SOD2: variants seen among roughly 807,000 people sequenced by gnomAD.
SOD2 encodes the protein superoxide dismutase 2, also known as superoxide dismutase [Mn], mitochondrial.
SOD2 carries 11 observed loss-of-function variants against 27.0 expected under a neutral mutation model. The ratio of observed to expected loss-of-function variants is 0.41; its 90% CI spans 0.26 to 0.67. The LOEUF is 0.67. Among genes scored for constraint, SOD2 ranks in the 30% least tolerant of loss-of-function variants. The pLI is 0.34. For missense variants in SOD2, 250 were observed against 274.5 expected (o/e 0.91, Z 0.63); for synonymous variants, 105 against 103.0 (o/e 1.02, Z -0.12).
intron 1 of SOD2, among the ~76,000 whole-genome samples, chr6:159,722,944 T>C (rs1306535784): frequency 2.6e-5 from 4 of 152,246 alleles, no homozygotes; most frequent in African/African-American, 7.2e-5. Flanking sequence ...TCCTCACTTC[T>C]AGCTTATGCC....
At chr6:159,759,524 G>T (rs148340383) in intron 1 of SOD2, among the ~76,000 whole-genome samples, 3 of 151,756 alleles carry the variant, frequency 2.0e-5, no homozygotes, top group African/African-American at 7.3e-5. Context: ...ATAAAAATTA[G>T]CTGGGCATGA....
intron 1 of SOD2, chr6:159,743,922 G>T: frequency 9.7e-7 from 1 of 1,035,828 alleles, no homozygotes; most frequent in Non-Finnish European, 1.3e-6. Flanking sequence ...TATGCTTTGA[G>T]CTTTAAGAAT....
intron 1 of SOD2, among the ~76,000 whole-genome samples, chr6:159,736,048 G>C (rs974146390): frequency 2.6e-5 from 4 of 152,134 alleles, no homozygotes; most frequent in African/African-American, 9.7e-5. Flanking sequence ...AACAAAGGAA[G>C]ATCTGGGTAC....
rs1408253142 is a variant in SOD2 at position 159,672,589 on chromosome 6, G to T, written c.*9904C>A. ...GCCTGCCTTACAAGAGCTCCTGAAGGAAGCACTAAACATGGAATGGAACAA... is the reference window on the plus strand; with the variant it reads ...GCCTGCCTTACAAGAGCTCCTGAAGTAAGCACTAAACATGGAATGGAACAA... On this transcript the variant is annotated 3_prime_UTR_variant, in exon 5 of 5. Coordinates refer to ENST00000538183, the MANE Select transcript of SOD2 (RefSeq NM_000636.4). 3 of 152,180 alleles carry T rather than the reference G, an allele frequency of 2.0e-5. No individual in the cohort carries two copies. The highest frequency in any genetic ancestry group is 4.4e-5 in the Non-Finnish European group (3 of 68,038). The allele number at this position is 152,180 out of a possible 1,614,324, so 9.4% of individuals were successfully genotyped here.
At chr6:159,738,859 A>G in intron 1 of SOD2, 1 of 566,908 alleles carries the variant, frequency 1.8e-6, no homozygotes, top group Non-Finnish European at 2.9e-6. Context: ...GTAATAAAAT[A>G]CTTTTTCAAA....
chr6:159,735,578 G>A (rs1439726035), intron 1 of SOD2, among the ~76,000 whole-genome samples: 2 of 152,034 alleles, frequency 1.3e-5, no homozygotes, highest in East Asian at 1.9e-4. Flanking sequence ...GTGAAACCCC[G>A]TCTCTACTAA....
intron 1 of SOD2, among the ~76,000 whole-genome samples, chr6:159,698,696 C>T (rs1048772333): frequency 6.6e-5 from 10 of 150,556 alleles, no homozygotes; most frequent in South Asian, 2.1e-4. Context: ...TGCTGTTGAC[C>T]GGCAATAACA....
chr6:159,732,586 A>G (rs904692571), intron 1 of SOD2, among the ~76,000 whole-genome samples: 12 of 152,160 alleles, frequency 7.9e-5, no homozygotes, highest in African/African-American at 2.9e-4. Flanking sequence ...TGTAATCCCA[A>G]CACTTTGGGA....
rs1319326278 is a variant in SOD2 at position 159,670,352 on chromosome 6, G to A, written c.*12141C>T. The A allele has an allele frequency of 6.6e-6, 1 of 152,050 alleles. No individual in the cohort carries two copies. The highest frequency in any genetic ancestry group is 1.5e-5 in the Non-Finnish European group (1 of 68,020). 9.4% of individuals were successfully genotyped at this position (152,050 alleles called of 1,614,324 possible). On this transcript the variant is annotated 3_prime_UTR_variant, in exon 5 of 5. Transcript: ENST00000538183. ...TGTGTCATTTTTTAAATTGTTTTCT[G>A]GTAAAAATGCTAACAGTAACTAGGA...
At chr6:159,733,371 CT>C (rs1213461346) in intron 1 of SOD2, among the ~76,000 whole-genome samples, 1 of 152,156 alleles carries the variant, frequency 6.6e-6, no homozygotes, top group East Asian at 1.9e-4. Flanking sequence ...AATGCCAGCA[CT>C]TTGGGAGGCC....
intron 1 of SOD2, among the ~76,000 whole-genome samples, chr6:159,705,480 G>C (rs896090573): frequency 6.6e-6 from 1 of 152,372 alleles, no homozygotes; most frequent in Non-Finnish European, 1.5e-5. Flanking sequence ...GAATGCACAA[G>C]CTTCAGTAGC....
intron 1 of SOD2, among the ~76,000 whole-genome samples, chr6:159,756,851 G>A (rs1456249048): frequency 6.6e-6 from 1 of 152,070 alleles, no homozygotes; most frequent in African/African-American, 2.4e-5. Flanking sequence ...GGATCCTTCT[G>A]CCTTGGCTTC....
At chr6:159,698,558 T>G in intron 1 of SOD2, among the ~76,000 whole-genome samples, 1 of 105,026 alleles carries the variant, frequency 9.5e-6, no homozygotes, top group African/African-American at 3.9e-5. Context: ...GGTAACAGAG[T>G]GAGACCTTGT....
At chr6:159,748,879 A>G (rs527705015), upstream of SOD2, 110 of 1,199,464 alleles carry the variant, frequency 9.2e-5, no homozygotes, top group Middle Eastern at 3.3e-4. The surrounding 1 kb of genome is among the most constrained non-coding windows in gnomAD (Gnocchi z 5.6). Context: ...AGTTTTGCCA[A>G]TAAGACTGTG....
rs750824041 is a variant in SOD2 at position 159,685,219 on chromosome 6, CTTTTTT to C, written c.344-192_344-187del. On this transcript the variant is annotated intron_variant, in intron 3 of 4. Coordinates refer to ENST00000538183, the MANE Select transcript of SOD2 (RefSeq NM_000636.4). ...ACGTTTTTGTTTTTTATAACTTCAA[CTTTTTT>C]TTTTTTTTTTTTTTTTTTTCATTTT... 6.2e-3 allele frequency among the ~76,000 whole-genome samples: 456 copies of C among 73,922 alleles called. 2 individuals are homozygous for C. Among genetic ancestry groups the C allele is most frequent in the African/African-American group, 0.022 (410 of 18,548 alleles). The allele number at this position is 73,922 out of a possible 152,430, so 48.5% of individuals were successfully genotyped here.
upstream of SOD2, among the ~76,000 whole-genome samples, chr6:159,729,928 G>A (rs1778465452): frequency 6.6e-6 from 1 of 152,128 alleles, no homozygotes; most frequent in East Asian, 1.9e-4. Flanking sequence ...GGGATGCTAG[G>A]CACCTAACCA....
At chr6:159,722,983 T>C (rs1250870250) in intron 1 of SOD2, among the ~76,000 whole-genome samples, 1 of 152,222 alleles carries the variant, frequency 6.6e-6, no homozygotes, top group African/African-American at 2.4e-5. Context: ...TATGCTCCTT[T>C]AACCAAGACC....
chr6:159,706,994 T>G (rs1769455505), intron 1 of SOD2, among the ~76,000 whole-genome samples: 1 of 152,160 alleles, frequency 6.6e-6, no homozygotes, highest in Non-Finnish European at 1.5e-5. Flanking sequence ...TCATGGAAAC[T>G]GAACAACCTG....
At chr6:159,732,886 AGTGTGTGTGTGTGT>A (rs67554039) in intron 1 of SOD2, among the ~76,000 whole-genome samples, 64,292 of 146,358 alleles carry the variant, frequency 0.44, 15,586 homozygotes, top group Admixed American at 0.55. Flanking sequence ...ATATATATAT[AGTGTGTGTGTGTGT>A]GTGTGTGTGT....
Sources: gnomAD v4.1 joint callset for allele counts (sites outside exome capture counted in the v4.1 genomes callset) on GRCh38, gnomAD v4.1.1 for gene constraint, Gnocchi (gnomAD v3.1) non-coding constraint, MANE v1.5 for transcripts, NCBI Gene and HGNC (gene_info 2026-07-23, HGNC 2026-07-21) for gene names.